The following ADAM22 variants were observed in gnomAD, a reference collection of about 807,000 sequenced individuals.
ADAM22 encodes disintegrin and metalloproteinase domain-containing protein 22.
ADAM22 carries 65 observed loss-of-function variants against 144.6 expected under a neutral mutation model. The ratio of observed to expected loss-of-function variants is 0.45; its 90% CI spans 0.37 to 0.55. The LOEUF (loss-of-function observed/expected upper bound fraction) is 0.55. Ranked by LOEUF, ADAM22 falls within the 20% of genes least tolerant of loss-of-function variation. ADAM22 has a pLI of 0.00. For missense variants in ADAM22, 974 were observed against 1,184.9 expected, an observed-to-expected ratio of 0.82 and a Z score of 2.61; for synonymous variants, 391 against 412.6, an observed-to-expected ratio of 0.95 and a Z score of 0.63.
intron 2 of ADAM22, among the ~76,000 whole-genome samples, chr7:87,956,463 A>AGTATAGT (rs1846780486): frequency 6.6e-6 from 1 of 152,232 alleles, no homozygotes; most frequent in Non-Finnish European, 1.5e-5. Flanking sequence ...GATATAATTC[A>AGTATAGT]CACAGTATAG....
At chr7:88,120,756 A>G (rs1829085054) in intron 7 of ADAM22, among the ~76,000 whole-genome samples, 1 of 152,192 alleles carries the variant, frequency 6.6e-6, no homozygotes, top group South Asian at 2.1e-4. Context: ...TCTTATGATG[A>G]ACAGATGTTT....
At chr7:88,075,778 C>G (rs1393873757) in intron 4 of ADAM22, 86 bp downstream of exon 4, 2 of 1,039,908 alleles carry the variant, frequency 1.9e-6, no homozygotes, top group African/African-American at 1.6e-5. Flanking sequence ...AATGATATTT[C>G]TAATGTACAG....
chr7:88,115,497 C>T (rs1827540062), intron 6 of ADAM22, among the ~76,000 whole-genome samples: 1 of 152,110 alleles, frequency 6.6e-6, no homozygotes, highest in Non-Finnish European at 1.5e-5. Context: ...AGATGGCTGC[C>T]TTCTCACTGT....
At chr7:87,940,715 T>C (rs1032301157) in intron 2 of ADAM22, among the ~76,000 whole-genome samples, 2 of 152,216 alleles carry the variant, frequency 1.3e-5, no homozygotes, top group African/African-American at 4.8e-5. Flanking sequence ...CTTGCTATCT[T>C]CAAAGTTGTT....
At chr7:88,126,743 C>G (rs1299185922) in intron 8 of ADAM22, among the ~76,000 whole-genome samples, 1 of 151,894 alleles carries the variant, frequency 6.6e-6, no homozygotes, top group African/African-American at 2.4e-5. Context: ...ATCTGAAATG[C>G]TCCAGTGAGC....
chr7:87,965,537 A>G (rs555124412), intron 2 of ADAM22, among the ~76,000 whole-genome samples: 1 of 152,310 alleles, frequency 6.6e-6, no homozygotes, highest in African/African-American at 2.4e-5. Context: ...TTGTTTCCCA[A>G]AGGAAATGCT....
At position 88,151,051 on chromosome 7, in the gene ADAM22, C is replaced by T; in HGVS notation, c.1617+20C>T. 6.2e-7 allele frequency: 1 copy of T among 1,610,182 alleles called. No homozygotes were observed. The highest frequency in any genetic ancestry group is 1.1e-5 in the South Asian group (1 of 90,852). ...GTTCAGGTAGGTCACTTCATTTTTA[C>T]CTATGTTTTTCACATGTACCAGCAT... On this transcript the variant is annotated intron_variant, in intron 19 of 31. Coordinates refer to ENST00000413139, the MANE Select transcript of ADAM22 (RefSeq NM_001324418.2).
chr7:88,078,739 G>C (rs1433298086), intron 4 of ADAM22, among the ~76,000 whole-genome samples: 1 of 152,180 alleles, frequency 6.6e-6, no homozygotes, highest in South Asian at 2.1e-4. Flanking sequence ...CTGGAAGAAA[G>C]GGTATCAGTG....
intron 22 of ADAM22, among the ~76,000 whole-genome samples, chr7:88,156,510 T>C (rs528144371): frequency 3.3e-5 from 5 of 152,232 alleles, no homozygotes; most frequent in Admixed American, 3.3e-4. Flanking sequence ...CCTAAGTCAG[T>C]AATGAGGAAA....
At chr7:88,024,947 A>G (rs186898967) in intron 3 of ADAM22, among the ~76,000 whole-genome samples, 86 of 152,144 alleles carry the variant, frequency 5.7e-4, no homozygotes, top group African/African-American at 2.0e-3. Flanking sequence ...AATCCAGTCT[A>G]TCATTGTTGG....
chr7:88,128,956 A>G (rs1831091106), intron 9 of ADAM22, among the ~76,000 whole-genome samples: 1 of 152,016 alleles, frequency 6.6e-6, no homozygotes, highest in Admixed American at 6.6e-5. Flanking sequence ...TTGAATCTCC[A>G]CTTAATAAAA....
At position 88,134,385 on chromosome 7, in the gene ADAM22, T is replaced by C; in HGVS notation, c.1134T>C (p.Ile378=). ...TTGCCCAGTCATTAGCCCATAATAT[T>C]GGTATTATCTCAGACAAAAGAAAGT... ...VTLAQSLAHN[I]GIISDKRKLA... is the part of the protein sequence containing the mutation. The change falls in exon 13 of 32, where the codon ATT becomes ATC. Residue 378 remains isoleucine, a synonymous_variant. Transcript: ENST00000413139. The C allele has an allele frequency of 6.2e-7, 1 of 1,610,978 alleles. No homozygotes were observed. The highest frequency in any genetic ancestry group is 8.5e-7 in the Non-Finnish European group (1 of 1,178,892).
chr7:87,987,201 G>A (rs1788690305), intron 3 of ADAM22, among the ~76,000 whole-genome samples: 1 of 151,496 alleles, frequency 6.6e-6, no homozygotes, highest in Non-Finnish European at 1.5e-5. Context: ...ATTTTTTTTG[G>A]ACAGTCTCAC....
At chr7:88,081,437 G>C (rs1033805617) in intron 4 of ADAM22, among the ~76,000 whole-genome samples, 3 of 152,178 alleles carry the variant, frequency 2.0e-5, no homozygotes, top group African/African-American at 7.2e-5. Context: ...GCACAAGACA[G>C]GGATGCCCTC....
At chr7:87,947,567 A>G (rs1844006601) in intron 2 of ADAM22, among the ~76,000 whole-genome samples, 1 of 152,060 alleles carries the variant, frequency 6.6e-6, no homozygotes, top group Non-Finnish European at 1.5e-5. Context: ...AGATACTAAG[A>G]ATTTTCACTT....
Position 87,968,375 on chromosome 7 carries a change from A to G in ADAM22, c.247-9961A>G, listed in dbSNP as rs28742261. 9.3e-3 allele frequency among the ~76,000 whole-genome samples: 1,416 copies of G among 152,242 alleles called. 21 individuals are homozygous for G. The highest frequency in any genetic ancestry group is 0.033 in the African/African-American group (1,354 of 41,546). On this transcript the variant is annotated intron_variant, in intron 2 of 31. Coordinates refer to ENST00000413139, the MANE Select transcript of ADAM22 (RefSeq NM_001324418.2). ...AGGCATAGGCACTAGTATTTTTTAA[A>G]AAGTTTCCCAAGGTAGTCTGGGTGT...
At chr7:88,038,477 C>T (rs1240133748) in intron 3 of ADAM22, among the ~76,000 whole-genome samples, 2 of 144,900 alleles carry the variant, frequency 1.4e-5, no homozygotes, top group African/African-American at 2.6e-5. Context: ...TCTTTTGAGA[C>T]GGAGTTTCGC....
chr7:88,169,795 G>A (rs1225788659), intron 25 of ADAM22, among the ~76,000 whole-genome samples: 1 of 152,094 alleles, frequency 6.6e-6, no homozygotes, highest in Non-Finnish European at 1.5e-5. Flanking sequence ...ATTAATGCAT[G>A]ATTTAAGTAG....
chr7:87,982,108 CATGCAT>C (rs1210785363), intron 3 of ADAM22, among the ~76,000 whole-genome samples: 1 of 125,180 alleles, frequency 8.0e-6, no homozygotes, highest in Non-Finnish European at 1.6e-5. Context: ...CACACACACA[CATGCAT>C]ACACAAGTTT....
Sources: gnomAD v4.1 joint callset for allele counts (sites outside exome capture counted in the v4.1 genomes callset) on GRCh38, gnomAD v4.1.1 for gene constraint, MANE v1.5 for transcripts, NCBI Gene and HGNC (gene_info 2026-07-23, HGNC 2026-07-21) for gene names.